LUZP2: variants seen among roughly 807,000 people sequenced by gnomAD.
LUZP2 encodes the protein leucine zipper protein 2.
In LUZP2, 52 loss-of-function variants were observed where a neutral mutation model predicts 51.6. That is an observed-to-expected ratio of 1.01 (90% CI 0.81 to 1.27). The LOEUF is 1.27. Ranked by LOEUF, LUZP2 falls within the 50% of genes most tolerant of loss-of-function variation. LUZP2 has a pLI of 0.00. For missense variants in LUZP2, 436 were observed against 395.4 expected (o/e 1.10, Z -0.87); for synonymous variants, 154 against 137.3 (o/e 1.12, Z -0.85).
At chr11:24,742,016 A>AC in intron 4 of LUZP2, among the ~76,000 whole-genome samples, 6 of 135,216 alleles carry the variant, frequency 4.4e-5, no homozygotes, top group African/African-American at 1.4e-4. Context: ...ATATAAATAT[A>AC]ATTATATATT....
At chr11:24,816,521 C>A (rs999285100) in intron 5 of LUZP2, among the ~76,000 whole-genome samples, 2 of 151,852 alleles carry the variant, frequency 1.3e-5, no homozygotes, top group Admixed American at 6.6e-5. Context: ...TTTAATAATA[C>A]CAATTATATA....
chr11:24,709,619 T>C (rs1244826346), intron 1 of LUZP2, among the ~76,000 whole-genome samples: 3 of 152,312 alleles, frequency 2.0e-5, no homozygotes, highest in Non-Finnish European at 2.9e-5. Context: ...CAGGAATAAT[T>C]AGAAGAACTC....
intron 4 of LUZP2, among the ~76,000 whole-genome samples, chr11:24,739,743 T>C (rs1371541694): frequency 1.3e-5 from 2 of 152,126 alleles, no homozygotes; most frequent in Non-Finnish European, 2.9e-5. Context: ...GTCTGTCATC[T>C]GCAACAGCTG....
intron 6 of LUZP2, among the ~76,000 whole-genome samples, chr11:24,911,580 C>T (rs1411001418): frequency 2.6e-5 from 4 of 152,090 alleles, no homozygotes; most frequent in African/African-American, 9.7e-5. Flanking sequence ...GAAGAGGTGC[C>T]TTCCACCATG....
intron 5 of LUZP2, among the ~76,000 whole-genome samples, chr11:24,903,464 TA>T (rs1565084394): frequency 1.3e-5 from 2 of 152,100 alleles, no homozygotes; most frequent in South Asian, 2.1e-4. Flanking sequence ...GAAAACAAAA[TA>T]AAAAACCCTG....
intron 1 of LUZP2, among the ~76,000 whole-genome samples, chr11:24,655,188 G>A (rs897909241): frequency 6.6e-6 from 1 of 151,978 alleles, no homozygotes; most frequent in African/African-American, 2.4e-5. Context: ...TAAGACTTTG[G>A]GCTTATTTGT....
chr11:24,840,638 G>A (rs972209448), intron 5 of LUZP2, among the ~76,000 whole-genome samples: 1 of 151,882 alleles, frequency 6.6e-6, no homozygotes, highest in Non-Finnish European at 1.5e-5. Context: ...ATCTGGAGAT[G>A]GGGGCTTAGG....
chr11:25,047,368 CT>C (rs200546589), intron 9 of LUZP2, among the ~76,000 whole-genome samples: 189 of 35,500 alleles, frequency 5.3e-3, no homozygotes, highest in Middle Eastern at 0.024. Flanking sequence ...TTTTAATTTT[CT>C]TTTTTTTATT....
intron 1 of LUZP2, among the ~76,000 whole-genome samples, chr11:24,554,519 G>A (rs1181581885): frequency 6.6e-6 from 1 of 151,860 alleles, no homozygotes; most frequent in African/African-American, 2.4e-5. Flanking sequence ...GCAGCTTGTT[G>A]TAAAATCCTT....
intron 9 of LUZP2, among the ~76,000 whole-genome samples, chr11:25,024,438 C>T (rs1857425538): frequency 6.6e-6 from 1 of 152,130 alleles, no homozygotes; most frequent in African/African-American, 2.4e-5. Flanking sequence ...TGATAAGCAA[C>T]TTCAGCAAAG....
chr11:24,985,635 G>A (rs1856167708), intron 9 of LUZP2, among the ~76,000 whole-genome samples: 1 of 151,680 alleles, frequency 6.6e-6, no homozygotes, highest in Admixed American at 6.6e-5. Flanking sequence ...TAAATGGGAA[G>A]CATGAAGGCA....
chr11:24,711,768 A>G (rs1857836731), intron 1 of LUZP2, among the ~76,000 whole-genome samples: 1 of 151,982 alleles, frequency 6.6e-6, no homozygotes, highest in Admixed American at 6.6e-5. Context: ...AATTCCCTCT[A>G]TTTGCAGCCC....
chr11:25,014,084 C>T (rs1030774715), intron 9 of LUZP2, among the ~76,000 whole-genome samples: 7 of 152,102 alleles, frequency 4.6e-5, no homozygotes, highest in Non-Finnish European at 1.0e-4. Context: ...TGAACTCATC[C>T]TTTTTTATGG....
intron 1 of LUZP2, among the ~76,000 whole-genome samples, chr11:24,515,586 G>A (rs561000236): frequency 6.6e-6 from 1 of 152,270 alleles, no homozygotes; most frequent in South Asian, 2.1e-4. Context: ...GAATAGCTGT[G>A]TAAGGTGTCA....
chr11:24,975,098 C>A (rs1370581194), intron 7 of LUZP2, among the ~76,000 whole-genome samples: 1 of 151,924 alleles, frequency 6.6e-6, no homozygotes, highest in Non-Finnish European at 1.5e-5. Flanking sequence ...CTCTCACATG[C>A]TCTATTCTGT....
intron 6 of LUZP2, among the ~76,000 whole-genome samples, chr11:24,914,038 G>A (rs937827225): frequency 6.6e-6 from 1 of 151,908 alleles, no homozygotes; most frequent in Non-Finnish European, 1.5e-5. Context: ...TCTTGCTTCC[G>A]ATCACATTTG....
chr11:24,766,216 C>T (rs1028836187), intron 5 of LUZP2, among the ~76,000 whole-genome samples: 23 of 152,194 alleles, frequency 1.5e-4, no homozygotes, highest in Non-Finnish European at 2.8e-4. Flanking sequence ...GGGCCGTCTG[C>T]TTTTCTCTTT....
intron 9 of LUZP2, among the ~76,000 whole-genome samples, chr11:24,995,166 G>A (rs1340189289): frequency 6.6e-6 from 1 of 152,116 alleles, no homozygotes; most frequent in Non-Finnish European, 1.5e-5. Flanking sequence ...AGGCAGGTGA[G>A]CCTTGTCCTT....
intron 9 of LUZP2, among the ~76,000 whole-genome samples, chr11:25,024,257 C>T (rs994448009): frequency 3.3e-5 from 5 of 152,116 alleles, no homozygotes; most frequent in African/African-American, 1.2e-4. Flanking sequence ...TGCCCTCTCT[C>T]ACCACTCCTA....
Sources: allele counts gnomAD v4.1 joint callset (sites outside exome capture counted in the v4.1 genomes callset), GRCh38; gene constraint gnomAD v4.1.1; transcripts MANE v1.5; gene names NCBI Gene and HGNC (gene_info 2026-07-23, HGNC 2026-07-21).